The following GRB14 variants were observed in gnomAD, a reference collection of about 807,000 sequenced individuals.
The protein encoded by GRB14 is growth factor receptor-bound protein 14.
GRB14 carries 38 observed loss-of-function variants against 69.1 expected under a neutral mutation model. The ratio of observed to expected loss-of-function variants is 0.55; its 90% CI spans 0.42 to 0.72. The LOEUF (loss-of-function observed/expected upper bound fraction) is 0.72, where lower values mean the gene tolerates loss of function less well. GRB14 is among the 30% of genes least tolerant of loss of function. The probability of loss-of-function intolerance (pLI) is 0.00; values close to 1 mark genes in which losing one functional copy is unlikely to be tolerated. For synonymous variants in GRB14, 247 were observed against 241.3 expected, an observed-to-expected ratio of 1.02 and a Z score of -0.22; for missense variants, 666 against 666.1, an observed-to-expected ratio of 1.00 and a Z score of 0.00.
intron 2 of GRB14, among the ~76,000 whole-genome samples, chr2:164,594,326 CAT>C (rs1160973322): frequency 6.6e-6 from 1 of 152,132 alleles, no homozygotes; most frequent in Non-Finnish European, 1.5e-5. Flanking sequence ...CTTAAGCAAG[CAT>C]TATTTTGAAA....
rs200139965 is a variant in GRB14 at position 164,494,431 on chromosome 2, T to C, written c.1476A>G (p.Pro492=). The C allele has an allele frequency of 2.3e-4, 350 of 1,498,640 alleles. No individual in the cohort carries two copies. Among genetic ancestry groups the C allele is most frequent in the Middle Eastern group, 1.7e-4 (1 of 5,838 alleles). 92.8% of individuals were successfully genotyped at this position (1,498,640 alleles called of 1,614,324 possible). ...GQKIKHFQII[P]VEDDGEMFHT... ...AAATGTGAAATCACGAATTACTTACTGGTATAATTTGAAAGTGCTTTATTT... is the reference window on the plus strand; with the variant it reads ...AAATGTGAAATCACGAATTACTTACCGGTATAATTTGAAAGTGCTTTATTT... Residue 492 remains proline, a splice_region_variant and synonymous_variant, in exon 13 of 14, where the codon CCA becomes CCG. Transcript: ENST00000263915.
chr2:164,606,808 C>A (rs1034810061), intron 2 of GRB14, among the ~76,000 whole-genome samples: 1 of 152,188 alleles, frequency 6.6e-6, no homozygotes, highest in African/African-American at 2.4e-5. Flanking sequence ...TGCCAATACA[C>A]AGTTAAATAA....
At chr2:164,591,381 C>A (rs1276738134) in intron 2 of GRB14, among the ~76,000 whole-genome samples, 3 of 152,070 alleles carry the variant, frequency 2.0e-5, no homozygotes, top group Admixed American at 1.3e-4. Context: ...CTCTTTCTAT[C>A]CCCCAACCAA....
intron 2 of GRB14, among the ~76,000 whole-genome samples, chr2:164,575,457 G>A (rs1689229472): frequency 6.6e-6 from 1 of 152,046 alleles, no homozygotes; most frequent in East Asian, 1.9e-4. Context: ...TAAGTAATAT[G>A]AGCCATAACA....
chr2:164,552,078 G>C (rs1439271542), intron 2 of GRB14, among the ~76,000 whole-genome samples: 1 of 152,166 alleles, frequency 6.6e-6, no homozygotes, highest in Non-Finnish European at 1.5e-5. Context: ...GATCTCTTGG[G>C]AGCTAAGAGT....
rs147507583 is a variant in GRB14, at chr2:164,497,383, G to A, written c.1212C>T (p.Leu404=). Residue 404 remains leucine, a synonymous_variant, in exon 10 of 14, where the codon CTC becomes CTT. Coordinates refer to ENST00000263915, the MANE Select transcript of GRB14 (RefSeq NM_004490.3). ...EALSVAVEEG[L]AWRKKGCLRL... ...GTGAAGCTACTTGTACCCTCCAAGC[G>A]AGTCCTTCTTCAACCGCAACTGAAA... 100 of 1,612,182 alleles carry A rather than the reference G, an allele frequency of 6.2e-5. No individual in the cohort carries two copies. The highest frequency in any genetic ancestry group is 7.2e-5 in the Non-Finnish European group (85 of 1,178,646).
At chr2:164,571,579 G>GA (rs1689123561) in intron 2 of GRB14, among the ~76,000 whole-genome samples, 1 of 151,932 alleles carries the variant, frequency 6.6e-6, no homozygotes, top group African/African-American at 2.4e-5. Flanking sequence ...TTTCAATTAG[G>GA]AAAAATAAAA....
At chr2:164,609,733 T>A (rs1690122895) in intron 2 of GRB14, among the ~76,000 whole-genome samples, 1 of 152,228 alleles carries the variant, frequency 6.6e-6, no homozygotes, top group Non-Finnish European at 1.5e-5. Context: ...CACTCCTTGC[T>A]TTGCTCTTAA....
At chr2:164,549,083 G>A (rs879307408) in intron 2 of GRB14, among the ~76,000 whole-genome samples, 5 of 151,840 alleles carry the variant, frequency 3.3e-5, no homozygotes, top group Admixed American at 6.6e-5. Context: ...CTTTCGCCAC[G>A]TTAGTCAGGC....
At chr2:164,576,865 T>C (rs1185351123) in intron 2 of GRB14, among the ~76,000 whole-genome samples, 1 of 150,372 alleles carries the variant, frequency 6.7e-6, no homozygotes, top group Non-Finnish European at 1.5e-5. Flanking sequence ...AAGTTCTGAA[T>C]CTGGTCTTTG....
chr2:164,618,958 A>G (rs891534778), intron 2 of GRB14, among the ~76,000 whole-genome samples: 4 of 152,238 alleles, frequency 2.6e-5, no homozygotes, highest in South Asian at 2.1e-4. Flanking sequence ...GGGAGAAAGT[A>G]TATGACAAGA....
chr2:164,548,965 C>T (rs890863154), intron 2 of GRB14, among the ~76,000 whole-genome samples: 3 of 152,164 alleles, frequency 2.0e-5, no homozygotes, highest in Admixed American at 2.0e-4. Flanking sequence ...GTAGCCTCCA[C>T]CTCCCAGGTT....
At chr2:164,530,259 C>T (rs572730517) in intron 3 of GRB14, among the ~76,000 whole-genome samples, 97 of 152,180 alleles carry the variant, frequency 6.4e-4, no homozygotes, top group African/African-American at 2.2e-3. Context: ...CAGCAATAGA[C>T]ATGCCAGGCT....
At chr2:164,547,114 G>C (rs567802558) in intron 3 of GRB14, among the ~76,000 whole-genome samples, 1 of 152,098 alleles carries the variant, frequency 6.6e-6, no homozygotes, top group South Asian at 2.1e-4. Context: ...GGTAAAGAAG[G>C]CTCGAATAAA....
intron 6 of GRB14, among the ~76,000 whole-genome samples, chr2:164,517,427 T>TAA (rs1234754149): frequency 6.6e-6 from 1 of 151,936 alleles, no homozygotes; most frequent in African/African-American, 2.4e-5. Flanking sequence ...ACAAGACCTA[T>TAA]AAAACAAAAA....
At chr2:164,597,487 C>A (rs75075566) in intron 2 of GRB14, among the ~76,000 whole-genome samples, 7,344 of 152,128 alleles carry the variant, frequency 0.048, 223 homozygotes, top group African/African-American at 0.08. Context: ...CTTATTTATA[C>A]AAGCAACAAA....
intron 2 of GRB14, among the ~76,000 whole-genome samples, chr2:164,588,732 G>C (rs540104452): frequency 1.4e-4 from 21 of 152,174 alleles, no homozygotes; most frequent in African/African-American, 4.6e-4. Flanking sequence ...AAATCAGCCT[G>C]TATTTTCATT....
At chr2:164,606,734 A>G (rs781462399) in intron 2 of GRB14, among the ~76,000 whole-genome samples, 7 of 152,200 alleles carry the variant, frequency 4.6e-5, no homozygotes, top group Non-Finnish European at 7.3e-5. Flanking sequence ...GGCACAGCAC[A>G]GTAAGACTAC....
intron 3 of GRB14, among the ~76,000 whole-genome samples, chr2:164,543,257 C>T (rs1028276551): frequency 8.6e-5 from 13 of 151,284 alleles, no homozygotes; most frequent in African/African-American, 2.2e-4. Context: ...GCTAAGATCG[C>T]GCCACTGCAC....
Sources: gnomAD v4.1 joint callset for allele counts (sites outside exome capture counted in the v4.1 genomes callset) on GRCh38, gnomAD v4.1.1 for gene constraint, MANE v1.5 for transcripts, NCBI Gene and HGNC (gene_info 2026-07-23, HGNC 2026-07-21) for gene names.